The following LINGO3 variants were observed in gnomAD, a reference collection of about 807,000 sequenced individuals.
LINGO3 encodes leucine-rich repeat and immunoglobulin-like domain-containing nogo receptor-interacting protein 3.
For missense variants in LINGO3, 750 were observed against 867.7 expected (o/e 0.86, Z 1.70); for synonymous variants, 427 against 444.2 (o/e 0.96, Z 0.49).
At chr19:2,300,023 C>CTTTT in the LINGO3 span, among the ~76,000 whole-genome samples, 318 of 95,862 alleles carry the variant, frequency 3.3e-3, 4 homozygotes, top group Middle Eastern at 0.012. Context: ...TGCCTGGCCT[C>CTTTT]TTTTTTTTTT....
upstream of LINGO3, among the ~76,000 whole-genome samples, chr19:2,296,528 G>C (rs2025573260): frequency 6.6e-6 from 1 of 151,978 alleles, no homozygotes. Flanking sequence ...GCCTGGGCTG[G>C]AATGCAATGG....
rs893514937 is a variant in LINGO3 at position 2,290,679 on chromosome 19, A to T, written c.1098T>A (p.Arg366=). Residue 366 remains arginine (R), a synonymous_variant, in exon 1 of 1, where the codon CGT becomes CGA. Coordinates refer to ENST00000585527, the Ensembl canonical transcript of LINGO3. This position sits in a 1 kb window ranked among gnomAD's most constrained non-coding sequence, Gnocchi z 6.0. ...GCCCGTCGAAGTTGAGGGTCTTGCG[A>T]CGCTGCACGATCCACAGCAGGCGAC... 6.2e-7 allele frequency: 1 copy of T among 1,608,936 alleles called. No homozygotes were observed. Among genetic ancestry groups the T allele is most frequent in the African/African-American group, 1.3e-5 (1 of 74,756 alleles).
exon 1 of LINGO3, chr19:2,289,896 G>T: frequency 1.0e-6 from 1 of 965,146 alleles, no homozygotes; most frequent in Non-Finnish European, 1.5e-6. Context: ...TGCCTGGGGA[G>T]CGCCGTGCAG....
chr19:2,305,665 AG>A, the LINGO3 span, among the ~76,000 whole-genome samples: 3 of 152,184 alleles, frequency 2.0e-5, no homozygotes, highest in Non-Finnish European at 4.4e-5. Flanking sequence ...CCAAACCCAG[AG>A]GGGGCAGGAG....
exon 1 of LINGO3, chr19:2,291,039 C>T (rs2025514350): frequency 1.2e-6 from 2 of 1,610,450 alleles, no homozygotes; most frequent in South Asian, 2.2e-5. Flanking sequence ...AGGTCAGGTT[C>T]AGGCCCCGCA....
chr19:2,290,647 G>C lies in LINGO3; in HGVS notation c.1130C>G (p.Pro377Arg). The C allele has an allele frequency of 6.2e-7, 1 of 1,601,722 alleles. No individual in the cohort carries two copies. The highest frequency in any genetic ancestry group is 8.5e-7 in the Non-Finnish European group (1 of 1,176,486). ...CACCTCGGCCGGGGTGGCGCAGGCC[G>C]GCAGCCGCCCGTCGAAGTTGAGGGT... The change falls in exon 1 of 1, where the codon CCG becomes CGG. Residue 377 changes from proline to arginine, a missense_variant. Coordinates refer to ENST00000585527, the Ensembl canonical transcript of LINGO3. This position sits in a 1 kb window ranked among gnomAD's most constrained non-coding sequence, Gnocchi z 6.0.
chr19:2,289,974 G>A (rs1267842152), exon 1 of LINGO3: 2 of 1,481,124 alleles, frequency 1.4e-6, no homozygotes, highest in South Asian at 1.3e-5. Context: ...GGGAGGGGAG[G>A]GGAGGGTCCG....
At chr19:2,299,671 G>A in the LINGO3 span, among the ~76,000 whole-genome samples, 1 of 147,916 alleles carries the variant, frequency 6.8e-6, no homozygotes, top group Non-Finnish European at 1.5e-5. Flanking sequence ...TGATCCGCCC[G>A]CCTCTGCCTC....
rs760670608 is a variant in LINGO3 at position 2,290,174 on chromosome 19, A to T, written c.1603T>A (p.Cys535Ser). ...AGGACCACGCCCAGGAAGGTGATGC[A>T]GCCCATGGCGGTGGACACCAGGATG... The change falls in exon 1 of 1, where the codon TGC (cysteine) becomes AGC (serine). Residue 535 changes from cysteine to serine, a missense_variant. Coordinates refer to ENST00000585527, the Ensembl canonical transcript of LINGO3. The surrounding 1 kb of genome is among the most constrained non-coding windows in gnomAD (Gnocchi z 6.0). 16 of 1,612,192 alleles carry T rather than the reference A, an allele frequency of 9.9e-6. No homozygotes were observed. Among genetic ancestry groups the T allele is most frequent in the Non-Finnish European group, 1.4e-5 (16 of 1,179,630 alleles).
the LINGO3 span, among the ~76,000 whole-genome samples, chr19:2,307,120 C>G: frequency 2.0e-5 from 3 of 152,212 alleles, no homozygotes; most frequent in Non-Finnish European, 2.9e-5. Context: ...AGCCCCAGAT[C>G]GTCCCTCTGC....
At chr19:2,291,910 A>G (rs1204032933) in exon 1 of LINGO3, 5 of 747,768 alleles carry the variant, frequency 6.7e-6, no homozygotes, top group South Asian at 5.8e-5. Flanking sequence ...AACCCGTCCC[A>G]GCACGGCGGC....
chr19:2,300,675 G>C, the LINGO3 span, among the ~76,000 whole-genome samples: 1 of 152,040 alleles, frequency 6.6e-6, no homozygotes, highest in Non-Finnish European at 1.5e-5. Context: ...CCACAGGCCA[G>C]AGTCCTCCCT....
At chr19:2,302,049 A>T in the LINGO3 span, among the ~76,000 whole-genome samples, 6 of 134,800 alleles carry the variant, frequency 4.5e-5, no homozygotes, top group African/African-American at 8.2e-5. Flanking sequence ...TTATTTATTT[A>T]TTTGTGGGTA....
At chr19:2,288,921 A>C (rs1326184241), downstream of LINGO3, among the ~76,000 whole-genome samples, 1 of 150,090 alleles carries the variant, frequency 6.7e-6, no homozygotes, top group African/African-American at 2.5e-5. This position sits in a 1 kb window ranked among gnomAD's most constrained non-coding sequence, Gnocchi z 6.5. Flanking sequence ...CTCTGTGGTC[A>C]GCTCTGGTGC....
At chr19:2,296,802 G>A (rs1434447341), upstream of LINGO3, among the ~76,000 whole-genome samples, 2 of 149,144 alleles carry the variant, frequency 1.3e-5, no homozygotes, top group African/African-American at 4.9e-5. Context: ...TAAAAAAGAA[G>A]AATAGGCCGG....
At chr19:2,300,734 T>C in the LINGO3 span, among the ~76,000 whole-genome samples, 2 of 151,786 alleles carry the variant, frequency 1.3e-5, no homozygotes, top group Admixed American at 1.3e-4. Flanking sequence ...CACCCCGAAC[T>C]CCCCTCCTTC....
At chr19:2,294,991 C>T (rs1275175950), upstream of LINGO3, among the ~76,000 whole-genome samples, 5 of 152,166 alleles carry the variant, frequency 3.3e-5, no homozygotes, top group African/African-American at 1.2e-4. This position sits in a 1 kb window ranked among gnomAD's most constrained non-coding sequence, Gnocchi z 4.3. Flanking sequence ...TGCGTCTCCT[C>T]ACGGTTCCCA....
the LINGO3 span, among the ~76,000 whole-genome samples, chr19:2,300,371 C>T: frequency 6.6e-6 from 1 of 151,964 alleles, no homozygotes; most frequent in African/African-American, 2.4e-5. Flanking sequence ...CCTCCCTTGT[C>T]CTCATGCTGT....
chr19:2,305,509 C>A, the LINGO3 span, among the ~76,000 whole-genome samples: 1 of 152,236 alleles, frequency 6.6e-6, no homozygotes, highest in South Asian at 2.1e-4. Context: ...GGCTAAGCCC[C>A]CGGCCCTTCC....
Sources: allele counts gnomAD v4.1 joint callset (sites outside exome capture counted in the v4.1 genomes callset), GRCh38; gene constraint gnomAD v4.1.1; non-coding constraint Gnocchi (gnomAD v3.1); transcripts MANE v1.5; gene names NCBI Gene and HGNC (gene_info 2026-07-23, HGNC 2026-07-21).